CCDC180: variants seen among roughly 807,000 people sequenced by gnomAD.
CCDC180 encodes the protein coiled-coil domain containing 180, also known as coiled-coil domain-containing protein 180.
CCDC180 carries 154 observed loss-of-function variants against 209.2 expected under a neutral mutation model. That is an observed-to-expected ratio of 0.74 (90% CI 0.65 to 0.84). The LOEUF (loss-of-function observed/expected upper bound fraction) is 0.84, where lower values mean the gene tolerates loss of function less well. Ranked by LOEUF, CCDC180 falls within the 40% of genes least tolerant of loss-of-function variation. The pLI, the probability that CCDC180 is intolerant of heterozygous loss-of-function variation, is 0.00. For missense variants in CCDC180, 1,874 were observed against 1,997.3 expected (o/e 0.94, Z 1.18); for synonymous variants, 778 against 749.1 (o/e 1.04, Z -0.63).
At position 97,339,362 on chromosome 9, in the gene CCDC180, A is replaced by G. The variant is rs1210923797; in HGVS notation, c.2275-3978A>G. On this transcript the variant is annotated intron_variant, in intron 18 of 36. Coordinates refer to ENST00000529487, the MANE Select transcript of CCDC180 (RefSeq NM_020893.6). ...TTGTAAGGCAGGCCTGGTGGTGACA[A>G]AATCTCTCAGCATTTGCTTGTCTGT... Among the ~76,000 whole-genome samples the G allele has an allele frequency of 3.3e-5, 5 of 152,300 alleles. No individual in the cohort carries two copies. The East Asian group carries it at 5.8e-4, about 18-fold the overall frequency.
At position 97,318,347 on chromosome 9, in the gene CCDC180, G is replaced by C. The variant is rs554591283; in HGVS notation, c.960-116G>C. The C allele has an allele frequency of 3.8e-5, 48 of 1,274,194 alleles. 1 individual carries two copies. The South Asian group carries it at 6.2e-4, about 16-fold the overall frequency. The allele number at this position is 1,274,194 out of a possible 1,614,324, so 78.9% of individuals were successfully genotyped here. On this transcript the variant is annotated intron_variant, in intron 9 of 36. Transcript: ENST00000529487. The stretch of plus-strand genomic sequence containing the variant: ...TCTGGGGAGGAAGGGGCTGGGGGTG[G>C]TGTTAGGGAAGGAGTGCTGAGGCTC...
chr9:97,353,849 A>G (rs985045438), intron 22 of CCDC180, among the ~76,000 whole-genome samples: 2 of 152,000 alleles, frequency 1.3e-5, no homozygotes, highest in African/African-American at 4.8e-5. Flanking sequence ...TTACAATGCA[A>G]ATGTTGTCCT....
At chr9:97,370,583 G>C in intron 32 of CCDC180, 58 bp from the exon 33 acceptor site, 2 of 1,588,318 alleles carry the variant, frequency 1.3e-6, no homozygotes, top group Non-Finnish European at 1.7e-6. Context: ...AGAAGACACA[G>C]GTCAGTGACT....
In CCDC180 at chr9:97,350,573, G is replaced by C. The variant is rs961582838; in HGVS notation, c.3002+18G>C. 3.2e-5 allele frequency: 49 copies of C among 1,535,662 alleles called. No individual in the cohort carries two copies. The highest frequency in any genetic ancestry group is 4.0e-5 in the Non-Finnish European group (46 of 1,146,622). On this transcript the variant is annotated intron_variant, in intron 22 of 36. Coordinates refer to ENST00000529487, the MANE Select transcript of CCDC180 (RefSeq NM_020893.6). ...CACTGCAGGTGGGAGCCAGTGTCCA[G>C]GGCCTCTTCAGGCCACCTGAGTTTC... is the stretch of plus-strand genomic sequence containing the variant.
At chr9:97,332,404 A>G (rs981980699) in intron 18 of CCDC180, among the ~76,000 whole-genome samples, 1 of 152,174 alleles carries the variant, frequency 6.6e-6, no homozygotes, top group African/African-American at 2.4e-5. Flanking sequence ...GATTCTGTGA[A>G]GAATGTCATT....
chr9:97,313,734 G>A (rs918843630), intron 5 of CCDC180, among the ~76,000 whole-genome samples: 1 of 152,178 alleles, frequency 6.6e-6, no homozygotes, highest in African/African-American at 2.4e-5. Context: ...TGATAGCCCA[G>A]CTCTGCTGGG....
chr9:97,319,798 A>C (rs909547996), intron 10 of CCDC180, among the ~76,000 whole-genome samples: 1 of 152,236 alleles, frequency 6.6e-6, no homozygotes, highest in Admixed American at 6.5e-5. Context: ...CTTAATACAT[A>C]AACTTTATGT....
intron 15 of CCDC180, among the ~76,000 whole-genome samples, chr9:97,327,445 A>G (rs919937233): frequency 1.3e-5 from 2 of 152,174 alleles, no homozygotes; most frequent in African/African-American, 2.4e-5. Flanking sequence ...TGGTTTAGCA[A>G]TCCCTCAATT....
intron 8 of CCDC180, 89 bp downstream of exon 8, chr9:97,315,035 T>C (rs1356779076): frequency 3.2e-6 from 3 of 944,110 alleles, no homozygotes; most frequent in East Asian, 2.5e-5. Flanking sequence ...GTCTGGTGTC[T>C]CAGGAATGGT....
rs1024756924 is a variant in CCDC180 at position 97,341,143 on chromosome 9, C to T, written c.2275-2197C>T. The stretch of plus-strand genomic sequence containing the variant: ...TGGACATGTGACCCACGTGACCTTA[C>T]CCATCATTGGAGATGACTCACACTC... On this transcript the variant is annotated intron_variant, in intron 18 of 36. Coordinates refer to ENST00000529487, the MANE Select transcript of CCDC180 (RefSeq NM_020893.6). Among the ~76,000 whole-genome samples, 4 of 152,322 alleles carry T rather than the reference C, an allele frequency of 2.6e-5. No individual in the cohort carries two copies. The East Asian group carries it at 5.8e-4, about 22-fold the overall frequency.
rs779687466 is a variant in CCDC180 at position 97,343,493 on chromosome 9, G to A, written c.2428G>A (p.Asp810Asn). The stretch of plus-strand genomic sequence containing the variant: ...CACCTTCTCAGCCATGTTCATCAAC[G>A]ACACTTCCAGTGCCAAGTTCATAGA... The part of the protein sequence containing the change: ...HSTFSAMFIN[D>N]TSSAKFIEQV... Residue 810 changes from aspartate (D) to asparagine (N), a missense_variant, in exon 19 of 37, where the codon GAC becomes AAC. Transcript: ENST00000529487. The A allele has an allele frequency of 1.9e-6, 3 of 1,613,992 alleles. No homozygotes were observed. The highest frequency in any genetic ancestry group is 2.5e-6 in the Non-Finnish European group (3 of 1,179,992).
upstream of CCDC180, chr9:97,307,412 G>T: frequency 1.8e-6 from 1 of 567,120 alleles, no homozygotes; most frequent in Non-Finnish European, 3.4e-6. Flanking sequence ...CCGGACGCAA[G>T]GCCTCCCTCC....
Position 97,366,217 on chromosome 9 carries a change from G to C in CCDC180, c.4048-342G>C, listed in dbSNP as rs1159727249. Among the ~76,000 whole-genome samples, 1 of 152,224 alleles carries C rather than the reference G, an allele frequency of 6.6e-6. No homozygotes were observed. Among genetic ancestry groups the C allele is most frequent in the Non-Finnish European group, 1.5e-5 (1 of 68,040 alleles). ...GGGTCCCTGGCTCGCCCGTCTTTGT[G>C]GCCTGCAGCCTATACCCAGCTTGGC... On this transcript the variant is annotated intron_variant, in intron 30 of 36. Transcript: ENST00000529487. The surrounding 1 kb of genome is among the most constrained non-coding windows in gnomAD (Gnocchi z 4.3).
chr9:97,334,113 C>T (rs1289501788), intron 18 of CCDC180, among the ~76,000 whole-genome samples: 3 of 151,928 alleles, frequency 2.0e-5, no homozygotes, highest in Non-Finnish European at 4.4e-5. Flanking sequence ...TTCTGTTTCC[C>T]AGTAAAATTT....
intron 19 of CCDC180, chr9:97,345,499 G>A (rs758562885): frequency 7.9e-6 from 3 of 381,690 alleles, no homozygotes; most frequent in Non-Finnish European, 5.0e-6. Flanking sequence ...GGGCCATTTG[G>A]TTATCTTTTT....
chr9:97,320,474 T>G (rs1833322892), intron 11 of CCDC180, among the ~76,000 whole-genome samples: 1 of 151,994 alleles, frequency 6.6e-6, no homozygotes, highest in African/African-American at 2.4e-5. Flanking sequence ...TCTGATACCC[T>G]CTTTGAGGAA....
In CCDC180 at chr9:97,357,483, A is replaced by G. The variant is rs1826615628; in HGVS notation, c.3265-144A>G. On this transcript the variant is annotated intron_variant, in intron 24 of 36. Coordinates refer to ENST00000529487, the MANE Select transcript of CCDC180 (RefSeq NM_020893.6). ...GAAAAAAATCTTTTTAATTTGTATC[A>G]ATGTCTGGTAAAACTGCATATTTTT... The G allele has an allele frequency of 4.4e-6, 3 of 676,852 alleles. No individual in the cohort carries two copies. The South Asian group carries it at 5.8e-5, about 13-fold the overall frequency. The allele number at this position is 676,852 out of a possible 1,614,324, so 41.9% of individuals were successfully genotyped here. A position where few individuals can be genotyped will look rare whatever the true frequency, so the allele number is the denominator to read the frequency against.
intron 19 of CCDC180, among the ~76,000 whole-genome samples, chr9:97,344,407 C>T (rs1826186509): frequency 6.6e-6 from 1 of 152,226 alleles, no homozygotes; most frequent in African/African-American, 2.4e-5. Flanking sequence ...ACTCAAACAT[C>T]ATCCCTCTCC....
At chr9:97,309,229 G>A (rs535385174) in intron 2 of CCDC180, among the ~76,000 whole-genome samples, 185 bp from the exon 3 acceptor site, 16 of 152,356 alleles carry the variant, frequency 1.1e-4, no homozygotes, top group African/African-American at 3.8e-4. Flanking sequence ...TGAAGTGGCT[G>A]AGTGACTGTT....
Sources: gnomAD v4.1 joint callset for allele counts (sites outside exome capture counted in the v4.1 genomes callset) on GRCh38, gnomAD v4.1.1 for gene constraint, Gnocchi (gnomAD v3.1) non-coding constraint, MANE v1.5 for transcripts, NCBI Gene and HGNC (gene_info 2026-07-23, HGNC 2026-07-21) for gene names.